The following PXDNL variants were observed in gnomAD, a reference collection of about 807,000 sequenced individuals.
PXDNL encodes the protein peroxidasin like.
In PXDNL, 145 loss-of-function variants were observed where a neutral mutation model predicts 150.8. The ratio of observed to expected loss-of-function variants is 0.96; its 90% CI spans 0.84 to 1.10. The LOEUF is 1.10. PXDNL is among the 50% of genes least tolerant of loss of function. The pLI is 0.00. For synonymous variants in PXDNL, 757 were observed against 725.7 expected (o/e 1.04, Z -0.69); for missense variants, 2,087 against 1,873.9 (o/e 1.11, Z -2.10).
intron 17 of PXDNL, among the ~76,000 whole-genome samples, chr8:51,385,975 T>C (rs1450906151): frequency 6.6e-6 from 1 of 152,180 alleles, no homozygotes; most frequent in Non-Finnish European, 1.5e-5. Flanking sequence ...TATGTGTTTA[T>C]CAAGCAGCAT....
In PXDNL at chr8:51,409,536, G is replaced by T; in HGVS notation, c.2088C>A (p.Ser696=). 6.3e-7 allele frequency: 1 copy of T among 1,598,824 alleles called. No homozygotes were observed. Among genetic ancestry groups the T allele is most frequent in the Non-Finnish European group, 8.5e-7 (1 of 1,172,298 alleles). The change falls in exon 17 of 23, where the codon TCC becomes TCA. Residue 696 remains serine, a synonymous_variant. Coordinates refer to ENST00000356297, the MANE Select transcript of PXDNL (RefSeq NM_144651.5). ...GKEFRYNDLV[S]PRSLSLIANL... Reference sequence around the variant, plus strand: ...TGGCGATGAGGCTGAGGGAGCGCGGGGACACCAAGTCATTGTACCGGAATT... The same window carrying T: ...TGGCGATGAGGCTGAGGGAGCGCGGTGACACCAAGTCATTGTACCGGAATT...
rs143624282 is a variant in PXDNL at position 51,492,399 on chromosome 8, C to T, written c.452+7300G>A. The stretch of plus-strand genomic sequence containing the variant: ...ATTTCTGCATTTCCAACTGAGGTAC[C>T]GGGTTCATCTCACTGGAGAGTGTCA... On this transcript the variant is annotated intron_variant, in intron 5 of 22. Transcript: ENST00000356297. 1.3e-3 allele frequency among the ~76,000 whole-genome samples: 192 copies of T among 152,170 alleles called. 1 individual carries two copies. The East Asian group carries it at 0.032, about 25-fold the overall frequency.
At chr8:51,786,452 G>A (rs753709253) in intron 1 of PXDNL, among the ~76,000 whole-genome samples, 3 of 152,000 alleles carry the variant, frequency 2.0e-5, no homozygotes, top group African/African-American at 4.8e-5. Context: ...CAAGTGATCC[G>A]CCTGCCTTGG....
intron 4 of PXDNL, among the ~76,000 whole-genome samples, chr8:51,513,162 A>G (rs1019669016): frequency 1.3e-5 from 2 of 152,224 alleles, no homozygotes; most frequent in African/African-American, 4.8e-5. Context: ...CAGAGGGGAG[A>G]TGAACAAGTG....
intron 16 of PXDNL, among the ~76,000 whole-genome samples, chr8:51,410,939 G>T (rs1339971354): frequency 1.3e-5 from 2 of 152,100 alleles, no homozygotes; most frequent in Non-Finnish European, 2.9e-5. Flanking sequence ...TGGTAATAAA[G>T]CATTTCTCTA....
intron 3 of PXDNL, among the ~76,000 whole-genome samples, chr8:51,564,909 G>A (rs1034534702): frequency 6.6e-6 from 1 of 151,768 alleles, no homozygotes; most frequent in Non-Finnish European, 1.5e-5. Flanking sequence ...GGATTTTATT[G>A]ATAAGTAATC....
At chr8:51,672,515 T>C (rs1314908447) in intron 1 of PXDNL, among the ~76,000 whole-genome samples, 1 of 152,050 alleles carries the variant, frequency 6.6e-6, no homozygotes, top group Non-Finnish European at 1.5e-5. Context: ...AGAAGAATAG[T>C]AGAGAAGGAA....
At chr8:51,439,824 CAAA>C (rs36102488) in intron 12 of PXDNL, among the ~76,000 whole-genome samples, 1 of 101,552 alleles carries the variant, frequency 9.8e-6, no homozygotes. Flanking sequence ...GACTCCATCT[CAAA>C]AAAAAAAAAA....
chr8:51,472,235 C>T lies in PXDNL; in HGVS notation c.764G>A (p.Cys255Tyr), dbSNP rs902368430. 7 of 1,613,566 alleles carry T rather than the reference C, an allele frequency of 4.3e-6. No individual in the cohort carries two copies. In the African/African-American group the frequency reaches 9.3e-5, roughly 22 times the overall value. ...AGGTTTGGGGTTTCCTTCCGCCCGG[C>T]AGGTGAAGTAGACGGTATTTCCTGA... is the stretch of plus-strand genomic sequence containing the variant. ...VPSGNTVYFT[C>Y]RAEGNPKPEI... The change falls in exon 8 of 23, where the codon TGC becomes TAC. Residue 255 changes from cysteine (C) to tyrosine (Y), a missense_variant. Transcript: ENST00000356297.
At chr8:51,327,490 G>A (rs1203451338) in intron 21 of PXDNL, among the ~76,000 whole-genome samples, 2 of 152,174 alleles carry the variant, frequency 1.3e-5, no homozygotes, top group Admixed American at 6.5e-5. Flanking sequence ...AAAATTAAAA[G>A]GGTAATGGAA....
At chr8:51,522,890 G>C (rs1249598080) in intron 4 of PXDNL, among the ~76,000 whole-genome samples, 1 of 151,642 alleles carries the variant, frequency 6.6e-6, no homozygotes, top group Non-Finnish European at 1.5e-5. Context: ...AAAAAACAGA[G>C]AATGTAATAG....
intron 1 of PXDNL, among the ~76,000 whole-genome samples, chr8:51,748,401 T>G (rs2037009232): frequency 6.6e-6 from 1 of 152,166 alleles, no homozygotes; most frequent in East Asian, 1.9e-4. Flanking sequence ...CATGGGCCCT[T>G]AGAGGGAGAG....
intron 5 of PXDNL, among the ~76,000 whole-genome samples, chr8:51,487,717 C>G (rs948895570): frequency 6.6e-6 from 1 of 152,098 alleles, no homozygotes; most frequent in African/African-American, 2.4e-5. Flanking sequence ...TTGGAGAAAA[C>G]CTAACTTGGT....
chr8:51,659,608 T>A (rs1435342938), intron 1 of PXDNL, among the ~76,000 whole-genome samples: 6 of 152,080 alleles, frequency 3.9e-5, no homozygotes, highest in African/African-American at 1.4e-4. Flanking sequence ...GTCCCCGAGT[T>A]AACAGTGCAC....
At chr8:51,764,339 A>T (rs573448219) in intron 1 of PXDNL, among the ~76,000 whole-genome samples, 2 of 137,226 alleles carry the variant, frequency 1.5e-5, no homozygotes, top group Admixed American at 7.1e-5. Context: ...GATTTCTTTC[A>T]TTCTGCTTGC....
At chr8:51,637,222 TA>T (rs1814624478) in intron 2 of PXDNL, among the ~76,000 whole-genome samples, 2 of 151,858 alleles carry the variant, frequency 1.3e-5, no homozygotes, top group South Asian at 4.1e-4. Flanking sequence ...CAAAGGTAGA[TA>T]AAACCATAAA....
intron 2 of PXDNL, among the ~76,000 whole-genome samples, chr8:51,628,929 A>T (rs1017805664): frequency 2.0e-5 from 3 of 152,210 alleles, no homozygotes; most frequent in African/African-American, 7.2e-5. Context: ...TTCCAGAGTC[A>T]CCATATTATC....
At chr8:51,777,200 A>G (rs1293007658) in intron 1 of PXDNL, among the ~76,000 whole-genome samples, 1 of 152,226 alleles carries the variant, frequency 6.6e-6, no homozygotes, top group Admixed American at 6.5e-5. Flanking sequence ...ACGAGTTCCA[A>G]TCTTCCAACA....
chr8:51,660,050 G>C (rs1360123487), intron 1 of PXDNL, among the ~76,000 whole-genome samples: 1 of 151,666 alleles, frequency 6.6e-6, no homozygotes, highest in African/African-American at 2.4e-5. Flanking sequence ...CCACCATGTC[G>C]GGCTAATGTT....
Sources: gnomAD v4.1 joint callset for allele counts (sites outside exome capture counted in the v4.1 genomes callset) on GRCh38, gnomAD v4.1.1 for gene constraint, MANE v1.5 for transcripts, NCBI Gene and HGNC (gene_info 2026-07-23, HGNC 2026-07-21) for gene names.